The following DACH2 variants were observed in gnomAD, a reference collection of about 807,000 sequenced individuals.
DACH2 encodes dachshund homolog 2.
Under a neutral mutation model 35.8 loss-of-function variants are expected in DACH2, and 17 were observed. That is an observed-to-expected ratio of 0.48 (90% confidence interval 0.33 to 0.71). DACH2 has a LOEUF of 0.71. DACH2 is among the 30% of genes least tolerant of loss of function. The pLI is 0.02. For synonymous variants in DACH2, 195 were observed against 177.3 expected, an observed-to-expected ratio of 1.10 and a Z score of -0.79; for missense variants, 469 against 472.7, an observed-to-expected ratio of 0.99 and a Z score of 0.07.
At chrX:86,421,058 G>A (rs917963081) in intron 2 of DACH2, among the ~76,000 whole-genome samples, 2 of 111,365 alleles carry the variant, frequency 1.8e-5, no homozygotes, top group Non-Finnish European at 3.8e-5. Flanking sequence ...TTCTCTTCAA[G>A]ACTTTTCTCC....
At chrX:86,153,057 C>T (rs1196596044) in intron 1 of DACH2, among the ~76,000 whole-genome samples, 2 of 111,204 alleles carry the variant, frequency 1.8e-5, no homozygotes, top group Non-Finnish European at 3.8e-5. Flanking sequence ...TTTTACCTAC[C>T]TATCAACATA....
At chrX:86,706,107 G>A (rs5922278) in intron 5 of DACH2, among the ~76,000 whole-genome samples, 25,276 of 109,511 alleles carry the variant, frequency 0.23, 2,431 homozygotes, top group East Asian at 0.48. Flanking sequence ...GGAGTGTGGC[G>A]GGGTGGGTGA....
rs754245274 is a variant in DACH2, at chrX:86,191,943, AAAAC to A, written c.488+42848_488+42851del. Among the ~76,000 whole-genome samples the A allele has an allele frequency of 2.6e-4, 29 of 111,600 alleles. 1 individual carries two copies. In the East Asian group the frequency reaches 7.6e-3, roughly 29 times the overall value. On this transcript the variant is annotated intron_variant, in intron 1 of 11. Coordinates refer to ENST00000373125, the MANE Select transcript of DACH2 (RefSeq NM_053281.3). ...GTGACAGAGCGAGACTCCATCTCAA[AAAAC>A]AAACAAACAAACCTTAAAAAATCTT...
intron 5 of DACH2, among the ~76,000 whole-genome samples, chrX:86,707,734 C>A (rs764742963): frequency 4.6e-5 from 5 of 107,967 alleles, no homozygotes; most frequent in Middle Eastern, 4.7e-3. Context: ...GGCCAACATG[C>A]TGAAACCCCG....
chrX:86,419,267 C>T (rs1221480240), intron 2 of DACH2, among the ~76,000 whole-genome samples: 3 of 111,777 alleles, frequency 2.7e-5, no homozygotes, highest in South Asian at 7.5e-4. Flanking sequence ...TCTACTGGTA[C>T]GAATTTACTG....
At chrX:86,232,271 A>G (rs2032965031) in intron 1 of DACH2, among the ~76,000 whole-genome samples, 1 of 112,262 alleles carries the variant, frequency 8.9e-6, no homozygotes, top group Non-Finnish European at 1.9e-5. Flanking sequence ...CCTAAGCAAT[A>G]CCATTCTGGA....
At chrX:86,715,712 T>C (rs770898342) in intron 6 of DACH2, among the ~76,000 whole-genome samples, 5 of 111,795 alleles carry the variant, frequency 4.5e-5, no homozygotes, top group African/African-American at 6.5e-5. Flanking sequence ...ACTTAATTTG[T>C]ACTAACAAGA....
At chrX:86,787,964 T>G (rs1055691342) in intron 7 of DACH2, among the ~76,000 whole-genome samples, 6 of 110,914 alleles carry the variant, frequency 5.4e-5, no homozygotes, top group African/African-American at 2.0e-4. Context: ...GCGGGCAACT[T>G]GAGAGATTCG....
chrX:86,287,282 TGTTTC>T (rs1479498554), intron 1 of DACH2, among the ~76,000 whole-genome samples: 1 of 112,215 alleles, frequency 8.9e-6, no homozygotes. Context: ...GTATGTTATT[TGTTTC>T]TTTTCTTTTG....
At chrX:86,570,733 TA>T (rs1161245941) in intron 3 of DACH2, among the ~76,000 whole-genome samples, 11 of 106,868 alleles carry the variant, frequency 1.0e-4, no homozygotes, top group South Asian at 4.1e-4. Context: ...CCCAGAAACT[TA>T]AAAAAAAAAG....
chrX:86,317,042 G>A (rs770393292), intron 1 of DACH2, among the ~76,000 whole-genome samples: 7 of 107,138 alleles, frequency 6.5e-5, no homozygotes, highest in Non-Finnish European at 1.3e-4. Flanking sequence ...GCTTGAACCC[G>A]GGAGGCAGAG....
chrX:86,609,879 C>T (rs753229394), intron 3 of DACH2, among the ~76,000 whole-genome samples: 2 of 111,557 alleles, frequency 1.8e-5, no homozygotes, highest in African/African-American at 6.5e-5. Flanking sequence ...AGCCCTATGG[C>T]CAACCCCTTA....
chrX:86,369,175 CTT>C (rs1049272283), intron 1 of DACH2, among the ~76,000 whole-genome samples: 30 of 110,602 alleles, frequency 2.7e-4, no homozygotes, highest in Non-Finnish European at 4.7e-4. Context: ...TGTAAACAAA[CTT>C]ATATATATTG....
chrX:86,719,944 T>C (rs2369456), intron 6 of DACH2, among the ~76,000 whole-genome samples: 17,943 of 86,078 alleles, frequency 0.21, 1,599 homozygotes, highest in Admixed American at 0.38. Flanking sequence ...TTTTTTTTTC[T>C]TTTTTTTTTT....
chrX:86,516,626 AATTT>A (rs2038472019), intron 3 of DACH2, among the ~76,000 whole-genome samples: 1 of 109,874 alleles, frequency 9.1e-6, no homozygotes, highest in African/African-American at 3.3e-5. Flanking sequence ...TAGTTTAATT[AATTT>A]ATTTTTGTTT....
At chrX:86,324,399 A>G (rs2148040343) in intron 1 of DACH2, among the ~76,000 whole-genome samples, 1 of 111,014 alleles carries the variant, frequency 9.0e-6, no homozygotes, top group Non-Finnish European at 1.9e-5. Flanking sequence ...AAATGACAAT[A>G]AAGTATTTAG....
chrX:86,635,615 C>G (rs745532432), intron 3 of DACH2, among the ~76,000 whole-genome samples: 1 of 111,406 alleles, frequency 9.0e-6, no homozygotes, highest in Non-Finnish European at 1.9e-5. Context: ...TGACATGATC[C>G]TATATCTAGA....
rs976500194 is a variant in DACH2 at position 86,755,640 on chromosome X, C to T, written c.1240+15758C>T. 1.1e-4 allele frequency among the ~76,000 whole-genome samples: 11 copies of T among 100,841 alleles called. 1 individual carries two copies. Among genetic ancestry groups the T allele is most frequent in the Non-Finnish European group, 2.0e-4 (10 of 50,054 alleles). 87.6% of individuals were successfully genotyped at this position (100,841 alleles called of 115,157 possible). ...TGATACAGAGTCTCACTCTGTCGCC[C>T]AGGCTGGAGTGCAGTGACGTGATCT... On this transcript the variant is annotated intron_variant, in intron 7 of 11. Transcript: ENST00000373125.
chrX:86,433,264 A>G (rs954744745), intron 2 of DACH2, among the ~76,000 whole-genome samples: 1 of 111,960 alleles, frequency 8.9e-6, no homozygotes, highest in Non-Finnish European at 1.9e-5. Context: ...ACCCTCATCA[A>G]TGAAATTATA....
Sources: gnomAD v4.1 joint callset for allele counts (sites outside exome capture counted in the v4.1 genomes callset) on GRCh38, gnomAD v4.1.1 for gene constraint, MANE v1.5 for transcripts, NCBI Gene and HGNC (gene_info 2026-07-23, HGNC 2026-07-21) for gene names.